The following MITF variants were observed in gnomAD, a reference collection of about 807,000 sequenced individuals.
The protein encoded by MITF is microphthalmia-associated transcription factor.
A neutral mutation model predicts 60.5 loss-of-function variants in MITF; 17 were observed. That is an observed-to-expected ratio of 0.28 (90% CI 0.19 to 0.42). MITF has a LOEUF of 0.42. Among genes scored for constraint, MITF ranks in the 10% least tolerant of loss-of-function variants. MITF has a pLI of 1.00. For synonymous variants in MITF, 260 were observed against 248.5 expected (o/e 1.05, Z -0.43); for missense variants, 622 against 683.5 (o/e 0.91, Z 1.00).
intron 8 of MITF, among the ~76,000 whole-genome samples, chr3:69,957,616 T>C (rs1210819400): frequency 1.3e-5 from 2 of 152,210 alleles, no homozygotes; most frequent in African/African-American, 4.8e-5. Flanking sequence ...CTATAGTCAG[T>C]CTTGCATGAT....
intron 2 of MITF, among the ~76,000 whole-genome samples, chr3:69,893,713 A>G (rs2064810820): frequency 6.6e-6 from 1 of 152,212 alleles, no homozygotes; most frequent in Non-Finnish European, 1.5e-5. Flanking sequence ...TGGGATGTGT[A>G]AAGATTCTTT....
At chr3:69,849,923 TAATC>T (rs2063797389) in intron 1 of MITF, among the ~76,000 whole-genome samples, 1 of 152,308 alleles carries the variant, frequency 6.6e-6, no homozygotes, top group South Asian at 2.1e-4. Context: ...GTTCTTATCT[TAATC>T]AAAACTCCAT....
At chr3:69,914,794 G>A (rs2065299206) in intron 2 of MITF, among the ~76,000 whole-genome samples, 1 of 152,140 alleles carries the variant, frequency 6.6e-6, no homozygotes, top group African/African-American at 2.4e-5. Context: ...TTCTTCCTTT[G>A]CAACCCATGA....
At chr3:69,958,508 T>A (rs909571268) in intron 8 of MITF, among the ~76,000 whole-genome samples, 4 of 151,956 alleles carry the variant, frequency 2.6e-5, no homozygotes, top group Admixed American at 2.6e-4. Flanking sequence ...CGGTTCCACC[T>A]GATACTTGTA....
In MITF at chr3:69,941,265, C is replaced by T. The variant is rs1285441719; in HGVS notation, c.696C>T (p.Ser232=). The change falls in exon 5 of 10, where the codon AGC becomes AGT. Residue 232 remains serine (S), a synonymous_variant. Transcript: ENST00000352241. Reference sequence around the variant, plus strand: ...ATGATGTAATCGATGACATCATTAGCCTAGAATCAAGTTATAATGAGGAAA... The same window carrying T: ...ATGATGTAATCGATGACATCATTAGTCTAGAATCAAGTTATAATGAGGAAA... ...QMDDVIDDII[S]LESSYNEEIL... is the part of the protein sequence containing the mutation. 1 of 1,612,584 alleles carries T rather than the reference C, an allele frequency of 6.2e-7. No homozygotes were observed. Among genetic ancestry groups the T allele is most frequent in the East Asian group, 2.2e-5 (1 of 44,754 alleles).
At chr3:69,855,310 T>G (rs2063898989) in intron 1 of MITF, among the ~76,000 whole-genome samples, 1 of 151,394 alleles carries the variant, frequency 6.6e-6, no homozygotes, top group Non-Finnish European at 1.5e-5. Flanking sequence ...CATATCTTTT[T>G]GAAATTGTCA....
chr3:69,887,836 T>C (rs2064659000), intron 2 of MITF, among the ~76,000 whole-genome samples: 1 of 152,044 alleles, frequency 6.6e-6, no homozygotes, highest in Admixed American at 6.6e-5. Flanking sequence ...AGCATATGCA[T>C]GCATTCTTTA....
At chr3:69,850,635 G>A (rs752583808) in intron 1 of MITF, among the ~76,000 whole-genome samples, 6 of 152,144 alleles carry the variant, frequency 3.9e-5, no homozygotes, top group Non-Finnish European at 8.8e-5. Flanking sequence ...ACTTAGAACC[G>A]ATGTGCTGTC....
intron 1 of MITF, among the ~76,000 whole-genome samples, chr3:69,839,762 A>C (rs982250790): frequency 2.6e-5 from 4 of 152,146 alleles, no homozygotes; most frequent in Non-Finnish European, 2.9e-5. Flanking sequence ...AAAAAAAAAA[A>C]AGTAAGGGAA....
chr3:69,947,725 T>C (rs2066134416), intron 5 of MITF, among the ~76,000 whole-genome samples: 1 of 152,126 alleles, frequency 6.6e-6, no homozygotes, highest in Admixed American at 6.6e-5. Context: ...CCCAATTCTG[T>C]TCGAGCCAGT....
At chr3:69,808,174 G>C (rs527957193) in intron 1 of MITF, among the ~76,000 whole-genome samples, 2 of 149,510 alleles carry the variant, frequency 1.3e-5, no homozygotes, top group East Asian at 3.9e-4. Context: ...TCTGTTACAA[G>C]ATTTGTACTC....
chr3:69,964,891 A>T lies in MITF; in HGVS notation c.1224A>T (p.Pro408=), dbSNP rs765939413. The T allele has an allele frequency of 5.0e-6, 8 of 1,613,906 alleles. No homozygotes were observed. The African/African-American group carries it at 9.4e-5, about 19-fold the overall frequency. Residue 408 remains proline, a synonymous_variant, in exon 10 of 10, where the codon CCA becomes CCT. Transcript: ENST00000352241. ...GAGCTCATGGACTTTCCCTTATTCC[A>T]TCCACGGGTCTCTGCTCTCCAGATT... The part of the protein sequence containing the change: ...QARAHGLSLI[P]STGLCSPDLV...
chr3:69,745,040 G>C (rs1158114466), intron 1 of MITF, among the ~76,000 whole-genome samples: 1 of 152,056 alleles, frequency 6.6e-6, no homozygotes, highest in East Asian at 1.9e-4. Flanking sequence ...AAATCTGCAT[G>C]AGGTGATCAT....
In MITF at chr3:69,804,304, C is replaced by T. The variant is rs538647197; in HGVS notation, c.104+64603C>T. On this transcript the variant is annotated intron_variant, in intron 1 of 9. Transcript: ENST00000352241. ...CCATCTCTTCTCTCCCATTTCCCTC[C>T]CCTTCCTCTCCCCTACCCCCTTTCC... Among the ~76,000 whole-genome samples, 278 of 151,542 alleles carry T rather than the reference C, an allele frequency of 1.8e-3. 1 individual carries two copies. The highest frequency in any genetic ancestry group is 6.4e-3 in the African/African-American group (264 of 41,304).
At chr3:69,875,301 G>A (rs115467935) in intron 1 of MITF, among the ~76,000 whole-genome samples, 2,489 of 152,226 alleles carry the variant, frequency 0.016, 68 homozygotes, top group African/African-American at 0.055. Flanking sequence ...GGCTTTCAAA[G>A]GGAGCTTTCT....
At chr3:69,901,025 T>C (rs773991753) in intron 2 of MITF, among the ~76,000 whole-genome samples, 4 of 151,826 alleles carry the variant, frequency 2.6e-5, no homozygotes, top group South Asian at 2.1e-4. Context: ...AAAAAACCTA[T>C]GAGGATGGAA....
intron 1 of MITF, among the ~76,000 whole-genome samples, chr3:69,871,050 A>G (rs1045727801): frequency 6.6e-6 from 1 of 152,206 alleles, no homozygotes; most frequent in Non-Finnish European, 1.5e-5. Flanking sequence ...GTCCAGGGCT[A>G]TCATGACTTC....
intron 1 of MITF, among the ~76,000 whole-genome samples, chr3:69,827,597 C>T (rs1188518464): frequency 2.6e-5 from 4 of 152,142 alleles, no homozygotes; most frequent in African/African-American, 4.8e-5. Context: ...AAATATAAAC[C>T]TCCCAGAGAG....
At chr3:69,813,160 C>T (rs1304786117) in intron 1 of MITF, among the ~76,000 whole-genome samples, 1 of 152,126 alleles carries the variant, frequency 6.6e-6, no homozygotes, top group Non-Finnish European at 1.5e-5. Context: ...TGACATTAAA[C>T]CTGACTCAGA....
Sources: gnomAD v4.1 joint callset for allele counts (sites outside exome capture counted in the v4.1 genomes callset) on GRCh38, gnomAD v4.1.1 for gene constraint, MANE v1.5 for transcripts, NCBI Gene and HGNC (gene_info 2026-07-23, HGNC 2026-07-21) for gene names.